Variants in NTM observed in about 807,000 individuals in gnomAD.
NTM encodes the protein IgLON family member 2.
In NTM, 13 loss-of-function variants were observed where a neutral mutation model predicts 42.1. The observed-to-expected ratio is 0.31, with a 90% confidence interval of 0.20 to 0.49. NTM has a LOEUF of 0.49. Ranked by LOEUF, NTM falls within the 20% of genes least tolerant of loss-of-function variation. The pLI is 0.99. For synonymous variants in NTM, 187 were observed against 179.2 expected (o/e 1.04, Z -0.35); for missense variants, 373 against 452.8 (o/e 0.82, Z 1.60).
chr11:131,388,307 G>A (rs1428795004), intron 1 of NTM, among the ~76,000 whole-genome samples: 1 of 151,918 alleles, frequency 6.6e-6, no homozygotes, highest in Non-Finnish European at 1.5e-5. Flanking sequence ...CTTTGGCTAG[G>A]GCTGCCAGAT....
intron 3 of NTM, among the ~76,000 whole-genome samples, chr11:132,167,425 GT>G (rs747770203): frequency 6.0e-4 from 91 of 152,110 alleles, no homozygotes; most frequent in Non-Finnish European, 1.1e-3. Flanking sequence ...GTAATCTGTA[GT>G]TGTATTAAGG....
intron 1 of NTM, among the ~76,000 whole-genome samples, chr11:131,822,699 C>T (rs1248825759): frequency 6.6e-6 from 1 of 152,144 alleles, no homozygotes; most frequent in Non-Finnish European, 1.5e-5. Context: ...GATGTGTTCT[C>T]ATATTTGAGT....
intron 1 of NTM, among the ~76,000 whole-genome samples, chr11:131,847,953 T>C (rs1388111333): frequency 6.6e-6 from 1 of 152,184 alleles, no homozygotes; most frequent in Non-Finnish European, 1.5e-5. Context: ...GTATGTCTCA[T>C]TGAGACCATC....
chr11:131,958,941 A>G (rs2061838540), intron 2 of NTM, among the ~76,000 whole-genome samples: 1 of 152,180 alleles, frequency 6.6e-6, no homozygotes, highest in Non-Finnish European at 1.5e-5. Flanking sequence ...ATTTTACCCT[A>G]CTTTCAGGCA....
intron 1 of NTM, among the ~76,000 whole-genome samples, chr11:131,472,958 T>A (rs1006404234): frequency 6.6e-6 from 1 of 152,180 alleles, no homozygotes; most frequent in African/African-American, 2.4e-5. Flanking sequence ...ATTAATTGAT[T>A]TTCCACGGTG....
At chr11:131,780,790 T>G (rs1460774164) in intron 1 of NTM, among the ~76,000 whole-genome samples, 1 of 152,164 alleles carries the variant, frequency 6.6e-6, no homozygotes, top group East Asian at 1.9e-4. Context: ...AGAGGGTCCT[T>G]ATGGTTCCCA....
At chr11:131,597,682 G>A (rs1356216480) in intron 1 of NTM, among the ~76,000 whole-genome samples, 2 of 152,174 alleles carry the variant, frequency 1.3e-5, no homozygotes, top group African/African-American at 4.8e-5. Flanking sequence ...CCCCTTTTCA[G>A]GTGCCCCAGA....
intron 1 of NTM, among the ~76,000 whole-genome samples, chr11:131,467,646 C>T (rs1223304013): frequency 2.6e-5 from 4 of 152,158 alleles, no homozygotes; most frequent in Admixed American, 2.6e-4. Flanking sequence ...GGCTGCAATC[C>T]ATGAGAGGTT....
intron 1 of NTM, among the ~76,000 whole-genome samples, chr11:131,867,335 G>A (rs764482007): frequency 4.6e-5 from 7 of 152,236 alleles, no homozygotes; most frequent in Admixed American, 2.0e-4. Flanking sequence ...GTGTGCGTGC[G>A]GATGGAGAGG....
At chr11:131,995,359 G>A (rs574023627) in intron 2 of NTM, among the ~76,000 whole-genome samples, 4 of 152,208 alleles carry the variant, frequency 2.6e-5, no homozygotes, top group East Asian at 1.9e-4. Flanking sequence ...CTACAACAAC[G>A]GAATGGAAGG....
intron 1 of NTM, among the ~76,000 whole-genome samples, chr11:131,627,755 C>T (rs964924053): frequency 2.0e-5 from 3 of 152,050 alleles, no homozygotes; most frequent in Admixed American, 6.5e-5. Context: ...TACTTGACCC[C>T]AGGAGGTCAA....
chr11:131,425,418 C>T (rs1338182107), intron 1 of NTM, among the ~76,000 whole-genome samples: 1 of 152,134 alleles, frequency 6.6e-6, no homozygotes, highest in Non-Finnish European at 1.5e-5. Context: ...GGCTCAAAGA[C>T]ACTAAAGCAA....
chr11:132,206,610 G>A (rs2082025825), intron 3 of NTM, among the ~76,000 whole-genome samples: 1 of 152,218 alleles, frequency 6.6e-6, no homozygotes, highest in South Asian at 2.1e-4. Context: ...TGCCCAGTTA[G>A]AACATAGTAG....
chr11:131,566,171 T>G (rs2056860093), intron 1 of NTM, among the ~76,000 whole-genome samples: 2 of 152,180 alleles, frequency 1.3e-5, no homozygotes, highest in South Asian at 4.1e-4. Context: ...TGATAAGATC[T>G]ATCACGGCGC....
At chr11:131,511,570 T>C (rs1405512180) in intron 1 of NTM, among the ~76,000 whole-genome samples, 1 of 152,204 alleles carries the variant, frequency 6.6e-6, no homozygotes, top group Non-Finnish European at 1.5e-5. Context: ...TGCTTGCACT[T>C]GACAAACAAA....
chr11:131,996,338 T>A (rs2068020525), intron 2 of NTM, among the ~76,000 whole-genome samples: 1 of 152,126 alleles, frequency 6.6e-6, no homozygotes, highest in Non-Finnish European at 1.5e-5. Flanking sequence ...CTGACACACA[T>A]GTAGAGTAAA....
intron 1 of NTM, among the ~76,000 whole-genome samples, chr11:131,698,507 C>A (rs2075725046): frequency 6.6e-6 from 1 of 152,142 alleles, no homozygotes; most frequent in Admixed American, 6.5e-5. Context: ...GAGGCAGATG[C>A]TGTAATTATT....
At chr11:132,259,061 C>T (rs141868066) in intron 4 of NTM, among the ~76,000 whole-genome samples, 13 of 152,240 alleles carry the variant, frequency 8.5e-5, no homozygotes, top group South Asian at 2.1e-4. Flanking sequence ...GACCACCTCC[C>T]CTGCCTTGGT....
At chr11:132,161,375 T>A (rs2074239158) in intron 3 of NTM, among the ~76,000 whole-genome samples, 1 of 141,284 alleles carries the variant, frequency 7.1e-6, no homozygotes, top group Non-Finnish European at 1.6e-5. Flanking sequence ...AGCAGCTTTT[T>A]TTTTTTTTTT....
Sources: gnomAD v4.1 joint callset for allele counts (sites outside exome capture counted in the v4.1 genomes callset) on GRCh38, gnomAD v4.1.1 for gene constraint, MANE v1.5 for transcripts, NCBI Gene and HGNC (gene_info 2026-07-23, HGNC 2026-07-21) for gene names.